RGS20: variants seen among roughly 807,000 people sequenced by gnomAD.
The protein encoded by RGS20 is gz-selective GTPase-activating protein.
A neutral mutation model predicts 33.6 loss-of-function variants in RGS20; 30 were observed. The ratio of observed to expected loss-of-function variants is 0.89; its 90% CI spans 0.67 to 1.21. The LOEUF (loss-of-function observed/expected upper bound fraction) is 1.21, where lower values mean the gene tolerates loss of function less well. Among genes scored for constraint, RGS20 ranks in the 50% most tolerant of loss-of-function variants. The pLI is 0.00. For synonymous variants in RGS20, 208 were observed against 197.9 expected, an observed-to-expected ratio of 1.05 and a Z score of -0.43; for missense variants, 472 against 502.4, an observed-to-expected ratio of 0.94 and a Z score of 0.58.
At chr8:53,880,545 C>T (rs1585880192) in intron 2 of RGS20, among the ~76,000 whole-genome samples, 1 of 152,182 alleles carries the variant, frequency 6.6e-6, no homozygotes, top group South Asian at 2.1e-4. Context: ...CACCCCCGCT[C>T]CTTCCTCCCG....
At chr8:53,868,664 A>G (rs1223330305) in intron 1 of RGS20, among the ~76,000 whole-genome samples, 1 of 152,084 alleles carries the variant, frequency 6.6e-6, no homozygotes, top group Non-Finnish European at 1.5e-5. Context: ...ATATATATAT[A>G]TATATGTATG....
intron 2 of RGS20, among the ~76,000 whole-genome samples, chr8:53,915,657 C>T (rs988412669): frequency 6.6e-5 from 10 of 152,192 alleles, no homozygotes; most frequent in South Asian, 2.1e-4. Flanking sequence ...TCAGGCAGTC[C>T]GGAGGGAAGC....
chr8:53,958,173 A>C, intron 5 of RGS20, 97 bp from the exon 5 acceptor site: 2 of 922,578 alleles, frequency 2.2e-6, no homozygotes. Flanking sequence ...AAAACAAAAA[A>C]CAAAAACAAC....
At chr8:53,929,135 G>C (rs991931580) in intron 2 of RGS20, among the ~76,000 whole-genome samples, 1 of 152,192 alleles carries the variant, frequency 6.6e-6, no homozygotes, top group East Asian at 1.9e-4. Flanking sequence ...CAGCACCCAA[G>C]GCAGAGGCAT....
rs1317500586 is a variant in RGS20 at position 53,877,865 on chromosome 8, T to C, written c.166-1393T>C. On this transcript the variant is annotated intron_variant, in intron 1 of 5. Transcript: ENST00000297313. The surrounding 1 kb of genome is among the most constrained non-coding windows in gnomAD (Gnocchi z 5.7). ...CATGAATGAGAATGGGTTGCTAGGT[T>C]TCCTTCCCTCTCTCCTGACAATCGC... Among the ~76,000 whole-genome samples the C allele has an allele frequency of 6.6e-6, 1 of 152,178 alleles. No individual in the cohort carries two copies. Among genetic ancestry groups the C allele is most frequent in the East Asian group, 1.9e-4 (1 of 5,184 alleles).
chr8:53,954,087 C>T lies in RGS20; in HGVS notation c.755C>T (p.Thr252Ile). The T allele has an allele frequency of 6.2e-7, 1 of 1,613,696 alleles. No individual in the cohort carries two copies. The change falls in exon 5 of 6, where the codon ACT becomes ATT. Residue 252 changes from threonine to isoleucine, a missense_variant. Physicochemically the swap from Thr to Ile is moderately conservative, Grantham distance 89. Transcript: ENST00000297313. Reference sequence around the variant, plus strand: ...TGGTCTCCACGAAGCCCTGCTCCTACTCTGGAAGAAGTCAACGCCTGGGCT... The same window carrying T: ...TGGTCTCCACGAAGCCCTGCTCCTATTCTGGAAGAAGTCAACGCCTGGGCT...
At chr8:53,934,933 A>T (rs1467628272) in intron 2 of RGS20, among the ~76,000 whole-genome samples, 1 of 152,240 alleles carries the variant, frequency 6.6e-6, no homozygotes, top group Non-Finnish European at 1.5e-5. Context: ...GTGCAATCAA[A>T]TTAGAACTCA....
chr8:53,881,788 C>T (rs1354700184), intron 2 of RGS20, among the ~76,000 whole-genome samples: 5 of 152,108 alleles, frequency 3.3e-5, no homozygotes, highest in Non-Finnish European at 7.4e-5. Context: ...CAGGCGCCGC[C>T]GGGATTTTCC....
chr8:53,912,946 A>T (rs1446722676), intron 2 of RGS20, among the ~76,000 whole-genome samples: 1 of 151,610 alleles, frequency 6.6e-6, no homozygotes, highest in Non-Finnish European at 1.5e-5. Flanking sequence ...CACATATTTT[A>T]TGTGTTTCAA....
intron 1 of RGS20, among the ~76,000 whole-genome samples, chr8:53,852,570 T>G (rs1484214031): frequency 6.6e-6 from 1 of 152,198 alleles, no homozygotes; most frequent in Non-Finnish European, 1.5e-5. Flanking sequence ...TGAGTTTCTA[T>G]CAGTAGGTAA....
At chr8:53,932,794 AG>A (rs2129289036) in intron 2 of RGS20, among the ~76,000 whole-genome samples, 1 of 152,322 alleles carries the variant, frequency 6.6e-6, no homozygotes, top group East Asian at 1.9e-4. Context: ...CTGCCTCCTC[AG>A]GTGGGTCCCT....
At chr8:53,873,044 C>A (rs1024217875) in intron 1 of RGS20, among the ~76,000 whole-genome samples, 3 of 152,086 alleles carry the variant, frequency 2.0e-5, no homozygotes, top group African/African-American at 7.2e-5. Flanking sequence ...GCAAATCCCT[C>A]GTGGCTGGGT....
chr8:53,939,853 A>G (rs1814239763), intron 3 of RGS20, 129 bp downstream of exon 2: 10 of 1,076,670 alleles, frequency 9.3e-6, no homozygotes, highest in Non-Finnish European at 1.3e-5. Flanking sequence ...TTAAGCAACT[A>G]CTATATGCCT....
chr8:53,958,701 T>C lies in RGS20; in HGVS notation c.*243T>C. ...GTTGTAGAAAGATAGCGTATTTGCA[T>C]TTACAATAACAGTAGCATGTTGTCA... On this transcript the variant is annotated 3_prime_UTR_variant, in exon 6 of 6. Transcript: ENST00000297313. The C allele has an allele frequency of 4.6e-6, 1 of 215,412 alleles. No individual in the cohort carries two copies. The highest frequency in any genetic ancestry group is 5.7e-5 in the Admixed American group (1 of 17,430). The allele number at this position is 215,412 out of a possible 1,614,324, so 13.3% of individuals were successfully genotyped here.
chr8:53,882,287 G>A (rs1812409913), intron 2 of RGS20, among the ~76,000 whole-genome samples: 1 of 152,190 alleles, frequency 6.6e-6, no homozygotes, highest in Admixed American at 6.5e-5. Flanking sequence ...GGAGTGAGTG[G>A]GGAAGGGGCT....
At position 53,879,300 on chromosome 8, in the gene RGS20, A is replaced by G. The variant is rs767128160; in HGVS notation, c.208A>G (p.Lys70Glu). The change falls in exon 2 of 6, where the codon AAG becomes GAG. Residue 70 changes from lysine (K) to glutamate (E), a missense_variant. Physicochemically the swap from Lys to Glu is moderately conservative, Grantham distance 56. Around this residue, in one of 3 missense-constraint regions of RGS20, gnomAD observed 319 missense variants for 283.4 expected, o/e 1.13. Coordinates refer to ENST00000297313, the MANE Select transcript of RGS20 (RefSeq NM_170587.4). ...GCTCCCAGACTCGCCCGCCGCCCCG[A>G]AGCTGTTCGGCCTCCTTTCTAGCCC... is the stretch of plus-strand genomic sequence containing the variant. 6.2e-7 allele frequency: 1 copy of G among 1,613,418 alleles called. No individual in the cohort carries two copies.
intron 2 of RGS20, among the ~76,000 whole-genome samples, chr8:53,899,688 G>A (rs1380087462): frequency 6.6e-6 from 1 of 152,186 alleles, no homozygotes; most frequent in Non-Finnish European, 1.5e-5. Context: ...TTTCTAGCTG[G>A]CTTCTCTCAC....
intron 1 of RGS20, among the ~76,000 whole-genome samples, chr8:53,856,380 T>A (rs1811670417): frequency 6.6e-6 from 1 of 152,100 alleles, no homozygotes; most frequent in Non-Finnish European, 1.5e-5. Flanking sequence ...TACCCCCAGC[T>A]ACTTTTTTTT....
intron 5 of RGS20, among the ~76,000 whole-genome samples, chr8:53,955,598 G>A (rs991312859): frequency 2.0e-5 from 3 of 152,144 alleles, no homozygotes; most frequent in African/African-American, 7.2e-5. Context: ...GGCAGGCCGA[G>A]GCAGGTGGAT....
Sources: gnomAD v4.1 joint callset for allele counts (sites outside exome capture counted in the v4.1 genomes callset) on GRCh38, gnomAD v4.1.1 for gene constraint, gnomAD v4.1.1 regional missense constraint, Gnocchi (gnomAD v3.1) non-coding constraint, MANE v1.5 for transcripts, NCBI Gene and HGNC (gene_info 2026-07-23, HGNC 2026-07-21) for gene names.